SMG6: variants seen among roughly 807,000 people sequenced by gnomAD.
The protein encoded by SMG6 is SMG6 nonsense mediated mRNA decay factor, also known as telomerase-binding protein EST1A.
In SMG6, 66 loss-of-function variants were observed where a neutral mutation model predicts 142.2. The ratio of observed to expected loss-of-function variants is 0.46; its 90% CI spans 0.38 to 0.57. The LOEUF (loss-of-function observed/expected upper bound fraction) is 0.57, where lower values mean the gene tolerates loss of function less well. SMG6 is among the 20% of genes least tolerant of loss of function. The pLI, the probability that SMG6 is intolerant of heterozygous loss-of-function variation, is 0.00. For synonymous variants in SMG6, 779 were observed against 702.4 expected, an observed-to-expected ratio of 1.11 and a Z score of -1.72; for missense variants, 1,793 against 1,832.0, an observed-to-expected ratio of 0.98 and a Z score of 0.39.
Position 2,071,561 on chromosome 17 carries a change from G to A in SMG6, c.3682-2630C>T, listed in dbSNP as rs1198399019. ...GGTGGGGCCAAGCCCCGTGAGGGTG[G>A]TCAGAGCTGTGCTGCCATCATCCGG... is the stretch of plus-strand genomic sequence containing the variant. On this transcript the variant is annotated intron_variant, in intron 15 of 18. Transcript: ENST00000263073. The surrounding 1 kb of genome is among the most constrained non-coding windows in gnomAD (Gnocchi z 5.6). Among the ~76,000 whole-genome samples, 2 of 152,210 alleles carry A rather than the reference G, an allele frequency of 1.3e-5. No homozygotes were observed. The highest frequency in any genetic ancestry group is 1.5e-5 in the Non-Finnish European group (1 of 68,036).
intron 12 of SMG6, among the ~76,000 whole-genome samples, chr17:2,179,952 A>G (rs2071755561): frequency 6.6e-6 from 1 of 152,202 alleles, no homozygotes; most frequent in Non-Finnish European, 1.5e-5. Flanking sequence ...CTAGGTTTGG[A>G]TGTTCTCAAA....
At chr17:2,301,141 A>C (rs1423651578) in intron 1 of SMG6, among the ~76,000 whole-genome samples, 1 of 152,184 alleles carries the variant, frequency 6.6e-6, no homozygotes, top group Non-Finnish European at 1.5e-5. Context: ...GGAAGAAGTA[A>C]AAAAGGAGAA....
At chr17:2,271,547 C>T (rs909740334) in intron 8 of SMG6, among the ~76,000 whole-genome samples, 5 of 151,898 alleles carry the variant, frequency 3.3e-5, no homozygotes, top group Admixed American at 6.6e-5. Context: ...AACCCCGTCT[C>T]TCCTAAAAAC....
intron 10 of SMG6, among the ~76,000 whole-genome samples, chr17:2,219,359 T>C (rs2073108536): frequency 6.6e-6 from 1 of 152,160 alleles, no homozygotes; most frequent in Non-Finnish European, 1.5e-5. Context: ...CACTCCAGCC[T>C]GGGCGGCAGA....
intron 13 of SMG6, among the ~76,000 whole-genome samples, chr17:2,107,744 G>A (rs921272171): frequency 1.3e-5 from 2 of 152,184 alleles, no homozygotes; most frequent in African/African-American, 4.8e-5. Context: ...ACAGCCAATG[G>A]ATGGGGCCAG....
chr17:2,198,915 T>C (rs945971801), intron 10 of SMG6, among the ~76,000 whole-genome samples: 2 of 125,392 alleles, frequency 1.6e-5, no homozygotes, highest in African/African-American at 6.3e-5. Flanking sequence ...CACAAGAAAC[T>C]GTCAGGGGCA....
intron 13 of SMG6, among the ~76,000 whole-genome samples, chr17:2,122,698 T>C (rs1277141770): frequency 1.3e-5 from 2 of 152,212 alleles, no homozygotes; most frequent in Admixed American, 6.5e-5. Context: ...AGTAGTTCTG[T>C]GTCTGGACGT....
At chr17:2,098,561 T>C (rs1248287817) in intron 13 of SMG6, among the ~76,000 whole-genome samples, 1 of 152,228 alleles carries the variant, frequency 6.6e-6, no homozygotes, top group Non-Finnish European at 1.5e-5. Context: ...TTGCAACCTA[T>C]TAAGTTCTCT....
chr17:2,228,231 CT>C (rs368168145), intron 10 of SMG6, among the ~76,000 whole-genome samples: 18 of 146,580 alleles, frequency 1.2e-4, no homozygotes, highest in Admixed American at 4.8e-4. Context: ...GCCCAGCTAA[CT>C]TTTTTTTTTT....
intron 8 of SMG6, among the ~76,000 whole-genome samples, chr17:2,265,454 G>C (rs905939568): frequency 2.6e-5 from 4 of 151,896 alleles, no homozygotes; most frequent in African/African-American, 9.7e-5. Flanking sequence ...AGGTTGCAGT[G>C]AGCTGAGATT....
Position 2,293,074 on chromosome 17 carries a change from T to C in SMG6, c.2152-97A>G, listed in dbSNP as rs2075074189. ...GGTGAAAATGACAATGTAGCACTCG[T>C]AAGGCACTAGCGGTCCTCAACAAAG... is the stretch of plus-strand genomic sequence containing the variant. On this transcript the variant is annotated intron_variant, in intron 4 of 18. Coordinates refer to ENST00000263073, the MANE Select transcript of SMG6 (RefSeq NM_017575.5). 4 of 859,322 alleles carry C rather than the reference T, an allele frequency of 4.7e-6. No individual in the cohort carries two copies. In the Admixed American group the frequency reaches 7.1e-5, roughly 15 times the overall value. 53.2% of individuals were successfully genotyped at this position (859,322 alleles called of 1,614,324 possible).
intron 7 of SMG6, 72 bp downstream of exon 7, chr17:2,283,553 A>G (rs1279082153): frequency 6.6e-6 from 8 of 1,220,538 alleles, no homozygotes; most frequent in South Asian, 1.2e-5. Context: ...CGGTGCGCAG[A>G]GCTAGGGCAC....
intron 8 of SMG6, among the ~76,000 whole-genome samples, chr17:2,280,890 C>T (rs1199454576): frequency 6.6e-6 from 1 of 152,056 alleles, no homozygotes; most frequent in African/African-American, 2.4e-5. Context: ...GACCAGCCTG[C>T]GCAACAGGGC....
intron 13 of SMG6, among the ~76,000 whole-genome samples, chr17:2,159,398 C>T (rs1049034643): frequency 6.6e-6 from 1 of 152,050 alleles, no homozygotes; most frequent in African/African-American, 2.4e-5. Context: ...CCACTACACT[C>T]CAGTGTGGGT....
chr17:2,236,351 G>A, intron 10 of SMG6, 141 bp downstream of exon 10: 3 of 698,738 alleles, frequency 4.3e-6, no homozygotes, highest in Non-Finnish European at 4.6e-6. Flanking sequence ...CTGAGACAAT[G>A]GTAGGAAGCG....
chr17:2,218,524 C>T (rs1224379115), intron 10 of SMG6, among the ~76,000 whole-genome samples: 3 of 152,046 alleles, frequency 2.0e-5, no homozygotes, highest in African/African-American at 7.2e-5. Flanking sequence ...CCAGCCTGAG[C>T]GACAGACCGA....
rs1354788579 is a variant in SMG6 at position 2,060,588 on chromosome 17, A to G, written c.*904T>C. On this transcript the variant is annotated 3_prime_UTR_variant, in exon 19 of 19. Transcript: ENST00000263073. Reference sequence around the variant, plus strand: ...GGGGATCAGGGAGGTGAAAAGGATCAACTAGAAGGGGAAGAAGGGTGAGGG... The same window carrying G: ...GGGGATCAGGGAGGTGAAAAGGATCGACTAGAAGGGGAAGAAGGGTGAGGG... 6.6e-6 allele frequency: 1 copy of G among 152,394 alleles called. No individual in the cohort carries two copies. Among genetic ancestry groups the G allele is most frequent in the Admixed American group, 6.5e-5 (1 of 15,292 alleles). 9.4% of individuals were successfully genotyped at this position (152,394 alleles called of 1,614,324 possible).
chr17:2,191,723 T>C (rs1033157735), intron 10 of SMG6, among the ~76,000 whole-genome samples: 4 of 152,214 alleles, frequency 2.6e-5, no homozygotes, highest in Admixed American at 2.0e-4. Context: ...ATTATTCCTA[T>C]GGCCAAATAC....
chr17:2,282,519 CA>C (rs554699821), intron 8 of SMG6, 127 bp downstream of exon 8: 1 of 820,662 alleles, frequency 1.2e-6, no homozygotes, highest in Non-Finnish European at 2.0e-6. Flanking sequence ...AAAAGACCAT[CA>C]GGGAGCCTCA....
Sources: allele counts gnomAD v4.1 joint callset (sites outside exome capture counted in the v4.1 genomes callset), GRCh38; gene constraint gnomAD v4.1.1; non-coding constraint Gnocchi (gnomAD v3.1); transcripts MANE v1.5; gene names NCBI Gene and HGNC (gene_info 2026-07-23, HGNC 2026-07-21).